The following CAMTA1 variants were observed in gnomAD, a reference collection of about 807,000 sequenced individuals.
CAMTA1 encodes calmodulin binding transcription activator 1, also known as calmodulin-binding transcription activator 1.
In CAMTA1, 27 loss-of-function variants were observed where a neutral mutation model predicts 170.9. The ratio of observed to expected loss-of-function variants is 0.16; its 90% CI spans 0.12 to 0.22. The LOEUF (loss-of-function observed/expected upper bound fraction) is 0.22, where lower values mean the gene tolerates loss of function less well. CAMTA1 is among the 10% of genes least tolerant of loss of function. The pLI, the probability that CAMTA1 is intolerant of heterozygous loss-of-function variation, is 1.00. For synonymous variants in CAMTA1, 833 were observed against 891.5 expected, an observed-to-expected ratio of 0.93 and a Z score of 1.17; for missense variants, 1,619 against 2,217.2, an observed-to-expected ratio of 0.73 and a Z score of 5.42.
In CAMTA1 at chr1:6,969,368, G is replaced by A. The variant is rs552116937; in HGVS notation, c.235-121936G>A. Among the ~76,000 whole-genome samples the A allele has an allele frequency of 3.9e-4, 60 of 152,306 alleles. 1 individual carries two copies. The highest frequency in any genetic ancestry group is 2.2e-3 in the Admixed American group (33 of 15,294). ...CAAGGAACGCTGCAGAAGTAAAGGC[G>A]GCCAGGTTGGGGGAGTGAGCGGCTA... On this transcript the variant is annotated intron_variant, in intron 3 of 22. Transcript: ENST00000303635.
At chr1:7,519,986 C>T (rs1036595331) in intron 6 of CAMTA1, among the ~76,000 whole-genome samples, 6 of 150,942 alleles carry the variant, frequency 4.0e-5, no homozygotes, top group Non-Finnish European at 5.9e-5. Flanking sequence ...ACCATCAGAA[C>T]GGGAGCTTCT....
intron 7 of CAMTA1, among the ~76,000 whole-genome samples, chr1:7,653,258 AT>A (rs890845529): frequency 1.3e-4 from 19 of 151,748 alleles, no homozygotes; most frequent in African/African-American, 4.4e-4. Flanking sequence ...TATTGTTATT[AT>A]TTTTTTCCCC....
chr1:7,413,618 CTT>C (rs2090955093), intron 5 of CAMTA1, among the ~76,000 whole-genome samples: 1 of 152,124 alleles, frequency 6.6e-6, no homozygotes, highest in South Asian at 2.1e-4. Flanking sequence ...TATCCTGAGA[CTT>C]TGCTGAAGTT....
chr1:7,738,460 G>T lies in CAMTA1; in HGVS notation c.4160G>T (p.Gly1387Val). 1.2e-6 allele frequency: 2 copies of T among 1,613,964 alleles called. No individual in the cohort carries two copies. Among genetic ancestry groups the T allele is most frequent in the Non-Finnish European group, 1.7e-6 (2 of 1,179,886 alleles). ...YRDSAENEECGQPMDDIQVNM... is the reference protein window; with the variant it reads ...YRDSAENEECVQPMDDIQVNM... ...GATAGTGCAGAAAATGAAGAATGCGGCCAGCCCATGGATGACATACAGGTA... is the reference window on the plus strand; with the variant it reads ...GATAGTGCAGAAAATGAAGAATGCGTCCAGCCCATGGATGACATACAGGTA... The change falls in exon 16 of 23, where the codon GGC (glycine) becomes GTC (valine). Residue 1387 changes from glycine (G) to valine (V), a missense_variant. This residue lies in a region of CAMTA1 where 370 missense variants were observed against 429.4 expected (regional missense o/e 0.86). Transcript: ENST00000303635. This position sits in a 1 kb window ranked among gnomAD's most constrained non-coding sequence, Gnocchi z 4.9.
intron 5 of CAMTA1, among the ~76,000 whole-genome samples, chr1:7,267,577 T>A (rs1574316442): frequency 6.6e-6 from 1 of 152,176 alleles, no homozygotes; most frequent in African/African-American, 2.4e-5. Context: ...CATATTTAAC[T>A]GTTCAGACCT....
At chr1:7,127,743 A>G (rs1645017347) in intron 4 of CAMTA1, among the ~76,000 whole-genome samples, 1 of 152,228 alleles carries the variant, frequency 6.6e-6, no homozygotes, top group South Asian at 2.1e-4. Flanking sequence ...GAACCGGCAC[A>G]GGAAACAGGC....
chr1:6,990,988 T>C (rs770383723), intron 3 of CAMTA1, among the ~76,000 whole-genome samples: 7 of 152,120 alleles, frequency 4.6e-5, no homozygotes, highest in Non-Finnish European at 1.0e-4. Flanking sequence ...AAACATGTCC[T>C]CTTTTAGGCA....
chr1:7,217,762 T>C (rs924283586), intron 4 of CAMTA1, among the ~76,000 whole-genome samples: 16 of 152,222 alleles, frequency 1.1e-4, no homozygotes, highest in Non-Finnish European at 5.9e-5. Context: ...GACTCCTACC[T>C]GTTGCTTATA....
At chr1:7,716,187 C>T (rs1458198625) in intron 11 of CAMTA1, among the ~76,000 whole-genome samples, 2 of 152,074 alleles carry the variant, frequency 1.3e-5, no homozygotes, top group South Asian at 2.1e-4. Context: ...CTCATGCCAC[C>T]GTGCCCAGCT....
chr1:7,625,500 C>G (rs934761009), intron 6 of CAMTA1, among the ~76,000 whole-genome samples: 1 of 152,226 alleles, frequency 6.6e-6, no homozygotes, highest in Non-Finnish European at 1.5e-5. Context: ...CCAGGCCGTT[C>G]TGTCGCATCA....
At chr1:7,081,482 A>G (rs1022914524) in intron 3 of CAMTA1, among the ~76,000 whole-genome samples, 28 of 152,254 alleles carry the variant, frequency 1.8e-4, no homozygotes, top group African/African-American at 6.8e-4. Flanking sequence ...TGGCTTCATC[A>G]GTACATGTCA....
At chr1:7,726,780 G>A in intron 11 of CAMTA1, among the ~76,000 whole-genome samples, 1 of 152,204 alleles carries the variant, frequency 6.6e-6, no homozygotes, top group Admixed American at 6.5e-5. Flanking sequence ...TAATATTTCA[G>A]GATAAGAACT....
chr1:7,584,910 G>A (rs895689086), intron 6 of CAMTA1, among the ~76,000 whole-genome samples: 3 of 152,190 alleles, frequency 2.0e-5, no homozygotes, highest in Non-Finnish European at 4.4e-5. Flanking sequence ...TCCGGCCTAC[G>A]ACGCCAGTAC....
chr1:7,107,278 A>ATGTGTGTGTGTG (rs148905936), intron 4 of CAMTA1, among the ~76,000 whole-genome samples: 6,714 of 142,268 alleles, frequency 0.047, 389 homozygotes, highest in African/African-American at 0.14. Context: ...GTGTGTGTGC[A>ATGTGTGTGTGTG]TGTGTGTGTG....
At chr1:6,961,366 C>T (rs945564293) in intron 3 of CAMTA1, among the ~76,000 whole-genome samples, 1 of 152,194 alleles carries the variant, frequency 6.6e-6, no homozygotes, top group African/African-American at 2.4e-5. Flanking sequence ...GGGATGAGCT[C>T]TGCACGTCAC....
chr1:6,843,679 C>T (rs928710301), intron 3 of CAMTA1, among the ~76,000 whole-genome samples: 1 of 152,182 alleles, frequency 6.6e-6, no homozygotes, highest in African/African-American at 2.4e-5. Context: ...AGGGTTTCAC[C>T]ATGTTGGCCA....
intron 5 of CAMTA1, among the ~76,000 whole-genome samples, chr1:7,421,297 C>T (rs184251179): frequency 0.01 from 1,589 of 152,052 alleles, 30 homozygotes; most frequent in African/African-American, 0.036. Context: ...GGATTACAGG[C>T]GCCCGCCACC....
chr1:7,737,824 A>T (rs915718689), intron 15 of CAMTA1, 135 bp from the exon 16 acceptor site: 1 of 878,572 alleles, frequency 1.1e-6, no homozygotes, highest in Non-Finnish European at 1.8e-6. Context: ...GCTACTGGGG[A>T]TATTTAAATG....
At chr1:7,030,016 T>G (rs533382941) in intron 3 of CAMTA1, among the ~76,000 whole-genome samples, 2 of 152,210 alleles carry the variant, frequency 1.3e-5, no homozygotes, top group Non-Finnish European at 2.9e-5. Flanking sequence ...TTGAAACAAA[T>G]GAAGAAATTT....
Sources: gnomAD v4.1 joint callset for allele counts (sites outside exome capture counted in the v4.1 genomes callset) on GRCh38, gnomAD v4.1.1 for gene constraint, gnomAD v4.1.1 regional missense constraint, Gnocchi (gnomAD v3.1) non-coding constraint, MANE v1.5 for transcripts, NCBI Gene and HGNC (gene_info 2026-07-23, HGNC 2026-07-21) for gene names.